Variants in SMYD3 observed in about 807,000 individuals in gnomAD.
SMYD3 encodes the protein histone-lysine N-methyltransferase SMYD3.
In SMYD3, 36 loss-of-function variants were observed where a neutral mutation model predicts 57.7. The observed-to-expected ratio is 0.62, with a 90% confidence interval of 0.48 to 0.82. The LOEUF (loss-of-function observed/expected upper bound fraction) is 0.82. SMYD3 is among the 40% of genes least tolerant of loss of function. The pLI is 0.00. For missense variants in SMYD3, 515 were observed against 538.8 expected, an observed-to-expected ratio of 0.96 and a Z score of 0.44; for synonymous variants, 211 against 195.0, an observed-to-expected ratio of 1.08 and a Z score of -0.68.
intron 5 of SMYD3, chr1:246,322,487 T>A (rs1333754347): frequency 1.3e-5 from 2 of 152,072 alleles, no homozygotes; most frequent in Admixed American, 6.5e-5. Flanking sequence ...GACATACATC[T>A]TCTCTTCTCT....
chr1:246,209,632 G>T (rs1310923923), intron 5 of SMYD3, among the ~76,000 whole-genome samples: 5 of 151,608 alleles, frequency 3.3e-5, no homozygotes, highest in Admixed American at 2.6e-4. Flanking sequence ...TTGTTCTTTT[G>T]CTTTTTGTTT....
At chr1:245,924,654 G>GGTTTTTTTT (rs1558499827) in intron 7 of SMYD3, among the ~76,000 whole-genome samples, 2 of 115,128 alleles carry the variant, frequency 1.7e-5, no homozygotes. Context: ...CTCTATTCCA[G>GGTTTTTTTT]CTTTTTTTTT....
chr1:246,142,107 G>A (rs996811522), intron 5 of SMYD3, among the ~76,000 whole-genome samples: 1 of 152,062 alleles, frequency 6.6e-6, no homozygotes, highest in Admixed American at 6.6e-5. Flanking sequence ...CGATTCAGTA[G>A]TCCCCCTTAC....
chr1:246,148,153 G>A lies in SMYD3; in HGVS notation c.531+179048C>T, dbSNP rs10924517. Among the ~76,000 whole-genome samples, 611 of 152,238 alleles carry A rather than the reference G, an allele frequency of 4.0e-3. 2 individuals are homozygous for A. Among genetic ancestry groups the A allele is most frequent in the African/African-American group, 0.014 (584 of 41,550 alleles). ...CCGGAGTGGGGACTTGTGGTGCCTC[G>A]TCTGGGTGCACATGGAGGACCATGG... On this transcript the variant is annotated intron_variant, in intron 5 of 11. Transcript: ENST00000490107.
At chr1:246,148,379 G>A (rs947840869) in intron 5 of SMYD3, among the ~76,000 whole-genome samples, 1 of 152,134 alleles carries the variant, frequency 6.6e-6, no homozygotes, top group African/African-American at 2.4e-5. Flanking sequence ...TCTGCTGAGA[G>A]CTCAACACTC....
intron 10 of SMYD3, among the ~76,000 whole-genome samples, chr1:245,827,057 C>G (rs1427956277): frequency 6.6e-6 from 1 of 152,192 alleles, no homozygotes; most frequent in Non-Finnish European, 1.5e-5. Flanking sequence ...ACAGCCACCG[C>G]TGCTACCTGT....
chr1:245,803,597 C>T (rs562961393), intron 10 of SMYD3, among the ~76,000 whole-genome samples: 2 of 152,278 alleles, frequency 1.3e-5, no homozygotes, highest in African/African-American at 4.8e-5. Context: ...ACCCCAGCCA[C>T]GTGGAGGCTA....
At chr1:246,297,676 T>C (rs1394859203) in intron 5 of SMYD3, among the ~76,000 whole-genome samples, 6 of 152,124 alleles carry the variant, frequency 3.9e-5, no homozygotes, top group Non-Finnish European at 7.4e-5. Context: ...TTCTGATGCA[T>C]CAAATGTCAA....
chr1:245,934,168 T>C (rs2056875003), intron 5 of SMYD3, among the ~76,000 whole-genome samples: 1 of 152,138 alleles, frequency 6.6e-6, no homozygotes, highest in African/African-American at 2.4e-5. Flanking sequence ...GCACATCAAG[T>C]TTACTAACTA....
At chr1:246,101,266 A>G (rs1054352635) in intron 5 of SMYD3, among the ~76,000 whole-genome samples, 9 of 152,144 alleles carry the variant, frequency 5.9e-5, no homozygotes, top group South Asian at 2.1e-4. Flanking sequence ...TCCTAGGGCT[A>G]AAGTCAGAAA....
At position 246,353,217 on chromosome 1, in the gene SMYD3, A is replaced by T. The variant is rs182036630; in HGVS notation, c.228+1814T>A. The stretch of plus-strand genomic sequence containing the variant: ...TAATATTATTGTTTTGAAATTTCCT[A>T]TCCTATTTTAATTAGAAAGTGTTAT... On this transcript the variant is annotated intron_variant, in intron 2 of 11. Coordinates refer to ENST00000490107, the MANE Select transcript of SMYD3 (RefSeq NM_001167740.2). 6.6e-4 allele frequency among the ~76,000 whole-genome samples: 101 copies of T among 152,284 alleles called. 1 individual carries two copies. Among genetic ancestry groups the T allele is most frequent in the Admixed American group, 1.0e-3 (16 of 15,294 alleles).
At chr1:245,804,969 C>T (rs761796513) in intron 10 of SMYD3, among the ~76,000 whole-genome samples, 1 of 152,172 alleles carries the variant, frequency 6.6e-6, no homozygotes, top group African/African-American at 2.4e-5. Context: ...GCTGGACCAA[C>T]CCATCTCAAA....
chr1:245,806,896 G>T (rs7540396), intron 10 of SMYD3, among the ~76,000 whole-genome samples: 1 of 121,546 alleles, frequency 8.2e-6, no homozygotes. Context: ...CGGCCTGGGC[G>T]ACAGAGCGAG....
intron 10 of SMYD3, among the ~76,000 whole-genome samples, chr1:245,825,690 T>A (rs543640394): frequency 7.9e-5 from 12 of 152,286 alleles, no homozygotes; most frequent in Admixed American, 5.2e-4. Context: ...AGAGAGGAAT[T>A]GATGAGCACA....
intron 10 of SMYD3, among the ~76,000 whole-genome samples, chr1:245,818,126 A>C (rs984916799): frequency 1.3e-5 from 2 of 152,282 alleles, no homozygotes; most frequent in Non-Finnish European, 2.9e-5. Flanking sequence ...TGAAGGAAAA[A>C]ATGTTAAGGG....
At chr1:246,497,216 T>C (rs1182515643) in intron 1 of SMYD3, among the ~76,000 whole-genome samples, 3 of 152,214 alleles carry the variant, frequency 2.0e-5, no homozygotes, top group African/African-American at 7.2e-5. Flanking sequence ...GTTTCAAACA[T>C]AGGTTTCGAC....
chr1:246,356,887 G>A (rs768405163), intron 1 of SMYD3, among the ~76,000 whole-genome samples: 2 of 152,132 alleles, frequency 1.3e-5, no homozygotes, highest in Non-Finnish European at 1.5e-5. Context: ...GAATAATCAA[G>A]GAAAACTTGT....
At chr1:246,210,788 A>C (rs1421357270) in intron 5 of SMYD3, among the ~76,000 whole-genome samples, 2 of 152,132 alleles carry the variant, frequency 1.3e-5, no homozygotes, top group Non-Finnish European at 2.9e-5. Context: ...AGGTGCTCCA[A>C]ATTTCTCACA....
At chr1:245,834,451 G>A (rs1187984361) in intron 10 of SMYD3, among the ~76,000 whole-genome samples, 2 of 152,146 alleles carry the variant, frequency 1.3e-5, no homozygotes, top group East Asian at 1.9e-4. Context: ...CTGTGAATGA[G>A]GATGGGCTCA....
Sources: allele counts gnomAD v4.1 joint callset (sites outside exome capture counted in the v4.1 genomes callset), GRCh38; gene constraint gnomAD v4.1.1; transcripts MANE v1.5; gene names NCBI Gene and HGNC (gene_info 2026-07-23, HGNC 2026-07-21).